FNDC3A: variants seen among roughly 807,000 people sequenced by gnomAD.
FNDC3A encodes fibronectin type III domain containing 3A.
In FNDC3A, 32 loss-of-function variants were observed where a neutral mutation model predicts 148.9. The observed-to-expected ratio is 0.21, with a 90% CI of 0.16 to 0.29. The LOEUF (loss-of-function observed/expected upper bound fraction) is 0.29, where lower values mean the gene tolerates loss of function less well. Among genes scored for constraint, FNDC3A ranks in the 10% least tolerant of loss-of-function variants. The pLI is 1.00. For missense variants in FNDC3A, 1,191 were observed against 1,452.8 expected (o/e 0.82, Z 2.93); for synonymous variants, 472 against 473.6 (o/e 1.00, Z 0.04).
chr13:49,205,275 G>GTATAAA (rs1442134863), intron 25 of FNDC3A, among the ~76,000 whole-genome samples: 1 of 151,930 alleles, frequency 6.6e-6, no homozygotes, highest in African/African-American at 2.4e-5. Context: ...CTCATGGAAT[G>GTATAAA]GTATATGAAG....
chr13:49,198,041 A>G lies in FNDC3A; in HGVS notation c.2550A>G (p.Pro850=). Residue 850 remains proline (P), a synonymous_variant, in exon 22 of 26, where the codon CCA becomes CCG. Transcript: ENST00000492622. ...FSEVVACVTP[P]SVPGIVTCLQ... ...AAGTAGTAGCCTGTGTGACTCCACC[A>G]TCAGTTCCTGGCATTGTGACCTGTC... 6.2e-7 allele frequency: 1 copy of G among 1,614,168 alleles called. No individual in the cohort carries two copies. The highest frequency in any genetic ancestry group is 1.7e-5 in the Admixed American group (1 of 60,024).
chr13:49,202,171 G>C lies in FNDC3A; in HGVS notation c.3154+205G>C, dbSNP rs150208357. Among the ~76,000 whole-genome samples the C allele has an allele frequency of 2.1e-3, 313 of 152,228 alleles. 2 individuals carry two copies. The highest frequency in any genetic ancestry group is 7.0e-3 in the African/African-American group (289 of 41,536). On this transcript the variant is annotated intron_variant, in intron 24 of 25. Transcript: ENST00000492622. ...ATCTGGCACGCTCATATTCAGACAA[G>C]TACTGGCTTTTGTCACTGATGTTTT...
chr13:49,115,194 GA>G (rs1362478864), intron 4 of FNDC3A, among the ~76,000 whole-genome samples: 1,606 of 10,908 alleles, frequency 0.15, 22 homozygotes, highest in African/African-American at 0.25. Flanking sequence ...GGGGGGGGGG[GA>G]AATAAAAAAA....
At chr13:49,100,284 G>C (rs1006911631) in intron 3 of FNDC3A, among the ~76,000 whole-genome samples, 2 of 152,022 alleles carry the variant, frequency 1.3e-5, no homozygotes, top group Non-Finnish European at 1.5e-5. Flanking sequence ...CATACCAAAT[G>C]ATGTATTTTT....
intron 3 of FNDC3A, among the ~76,000 whole-genome samples, chr13:49,104,417 G>A (rs991173965): frequency 5.3e-5 from 8 of 152,054 alleles, no homozygotes; most frequent in Non-Finnish European, 8.8e-5. Context: ...CCAGCTACTC[G>A]GGATGCTGAG....
At chr13:49,122,581 T>C (rs1317333148) in intron 4 of FNDC3A, among the ~76,000 whole-genome samples, 1 of 152,184 alleles carries the variant, frequency 6.6e-6, no homozygotes, top group Non-Finnish European at 1.5e-5. Flanking sequence ...GATGACATGA[T>C]TGTATATTTA....
intron 8 of FNDC3A, among the ~76,000 whole-genome samples, chr13:49,164,289 A>C (rs371360451): frequency 3.9e-5 from 6 of 152,162 alleles, no homozygotes; most frequent in Non-Finnish European, 8.8e-5. Flanking sequence ...AGGTGACTAG[A>C]TGCTTTTCTC....
At chr13:49,087,808 T>G (rs911602602) in intron 3 of FNDC3A, among the ~76,000 whole-genome samples, 2 of 152,188 alleles carry the variant, frequency 1.3e-5, no homozygotes, top group Admixed American at 1.3e-4. Flanking sequence ...GGTAACTTGT[T>G]TTTTATAAGA....
In FNDC3A at chr13:49,145,711, A is replaced by C. The variant is rs912002286; in HGVS notation, c.820-67A>C. The C allele has an allele frequency of 2.4e-6, 3 of 1,254,346 alleles. No individual in the cohort carries two copies. In the African/African-American group the frequency reaches 4.5e-5, roughly 19 times the overall value. 77.7% of individuals were successfully genotyped at this position (1,254,346 alleles called of 1,614,324 possible). Reference sequence around the variant, plus strand: ...TTATTTAATCTTGAAACCTCATTAGATATTTCACTGCTCATTGTATACATT... The same window carrying C: ...TTATTTAATCTTGAAACCTCATTAGCTATTTCACTGCTCATTGTATACATT... On this transcript the variant is annotated intron_variant, in intron 7 of 25. Transcript: ENST00000492622.
intron 3 of FNDC3A, among the ~76,000 whole-genome samples, chr13:49,084,718 C>T (rs550492616): frequency 1.4e-4 from 22 of 152,192 alleles, no homozygotes; most frequent in African/African-American, 5.1e-4. Context: ...TTGTGAACCT[C>T]GTCACCTACT....
At chr13:49,120,473 C>T (rs1268974544) in intron 4 of FNDC3A, among the ~76,000 whole-genome samples, 5 of 152,080 alleles carry the variant, frequency 3.3e-5, no homozygotes, top group South Asian at 4.1e-4. Flanking sequence ...ATGACAGGAT[C>T]GAATTCACAC....
At chr13:49,022,071 T>G (rs1428257367) in intron 2 of FNDC3A, among the ~76,000 whole-genome samples, 1 of 152,154 alleles carries the variant, frequency 6.6e-6, no homozygotes, top group Non-Finnish European at 1.5e-5. Context: ...CTTCAGAAAT[T>G]TACAATGAAT....
chr13:49,075,428 A>AAATTTTTGATACAT (rs1276543500), intron 3 of FNDC3A, 64 bp downstream of exon 3: 1 of 883,402 alleles, frequency 1.1e-6, no homozygotes, highest in African/African-American at 1.7e-5. Context: ...TATGATACAT[A>AAATTTTTGATACAT]ATAGTGTATA....
intron 6 of FNDC3A, among the ~76,000 whole-genome samples, chr13:49,137,610 G>A (rs1054269602): frequency 6.6e-6 from 1 of 152,200 alleles, no homozygotes; most frequent in East Asian, 1.9e-4. Context: ...CTTCCAGTGT[G>A]CTAAGATTAC....
In FNDC3A at chr13:49,047,344, G is replaced by A. The variant is rs182113875; in HGVS notation, c.100-27945G>A. Among the ~76,000 whole-genome samples the A allele has an allele frequency of 5.7e-4, 87 of 152,240 alleles. 1 individual carries two copies. The highest frequency in any genetic ancestry group is 9.7e-4 in the Non-Finnish European group (66 of 68,012). ...CACTGGGTAGATACCTAGTAGTGGA[G>A]TTGCTAGATCAAACAGCAGATTTAC... On this transcript the variant is annotated intron_variant, in intron 2 of 25. Coordinates refer to ENST00000492622, the MANE Select transcript of FNDC3A (RefSeq NM_001079673.2).
chr13:48,981,021 ATTTTTCATACTTAGTACATACAG>A (rs2137544555), intron 1 of FNDC3A, among the ~76,000 whole-genome samples: 1 of 152,262 alleles, frequency 6.6e-6, no homozygotes, highest in African/African-American at 2.4e-5. Context: ...TATTATTAGC[ATTTTTCATACTTAGTACATACAG>A]TACCGTAATT....
chr13:48,990,588 C>CAAA (rs58007137), intron 1 of FNDC3A, among the ~76,000 whole-genome samples: 3,522 of 55,348 alleles, frequency 0.064, 68 homozygotes, highest in African/African-American at 0.077. Context: ...CCTGTCTCTC[C>CAAA]AAAAAAAAAA....
chr13:49,118,359 G>T (rs916800050), intron 4 of FNDC3A, among the ~76,000 whole-genome samples: 1 of 152,172 alleles, frequency 6.6e-6, no homozygotes, highest in Non-Finnish European at 1.5e-5. Flanking sequence ...TTCGCAACCC[G>T]CAGACCAGGA....
rs1886694514 is a variant in FNDC3A at position 49,207,267 on chromosome 13, G to C, written c.3469G>C (p.Asp1157His). ...RTEPPASTNR[D>H]TVESTRTRRA... ...TGAACCACCAGCCAGCACCAACAGAGACACTGTGGAAAGCACAAGGACCCG... is the reference window on the plus strand; with the variant it reads ...TGAACCACCAGCCAGCACCAACAGACACACTGTGGAAAGCACAAGGACCCG... The change falls in exon 26 of 26, where the codon GAC (aspartate) becomes CAC (histidine). Residue 1157 changes from aspartate to histidine, a missense_variant. By Grantham distance (81) the Asp-to-His change is moderately conservative. Coordinates refer to ENST00000492622, the MANE Select transcript of FNDC3A (RefSeq NM_001079673.2). 6.2e-7 allele frequency: 1 copy of C among 1,614,206 alleles called. No homozygotes were observed.
Sources: allele counts gnomAD v4.1 joint callset (sites outside exome capture counted in the v4.1 genomes callset), GRCh38; gene constraint gnomAD v4.1.1; transcripts MANE v1.5; gene names NCBI Gene and HGNC (gene_info 2026-07-23, HGNC 2026-07-21).